The following NALF1 variants were observed in gnomAD, a reference collection of about 807,000 sequenced individuals.
NALF1 encodes the protein NALCN channel auxiliary factor 1, also known as family with sequence similarity 155 member A.
A neutral mutation model predicts 48.4 loss-of-function variants in NALF1; 3 were observed. The observed-to-expected ratio is 0.06, with a 90% CI of 0.03 to 0.16. The LOEUF (loss-of-function observed/expected upper bound fraction) is 0.16, where lower values mean the gene tolerates loss of function less well. Among genes scored for constraint, NALF1 ranks in the 10% least tolerant of loss-of-function variants. The probability of loss-of-function intolerance (pLI) is 1.00; values close to 1 mark genes in which losing one functional copy is unlikely to be tolerated. For synonymous variants in NALF1, 262 were observed against 245.7 expected, an observed-to-expected ratio of 1.07 and a Z score of -0.62; for missense variants, 526 against 571.5, an observed-to-expected ratio of 0.92 and a Z score of 0.81.
At chr13:107,593,112 T>C (rs920020430) in intron 1 of NALF1, among the ~76,000 whole-genome samples, 3 of 151,888 alleles carry the variant, frequency 2.0e-5, no homozygotes, top group Non-Finnish European at 2.9e-5. Flanking sequence ...CTTGACGAAG[T>C]ACATATTGTG....
chr13:107,438,827 CAAAAAAA>C (rs61686895), intron 1 of NALF1, among the ~76,000 whole-genome samples: 8 of 17,938 alleles, frequency 4.5e-4, no homozygotes, highest in Admixed American at 4.2e-3. Context: ...GACTCCATCT[CAAAAAAA>C]AAAAAAAAAA....
chr13:107,446,125 G>A (rs186443397), intron 1 of NALF1, among the ~76,000 whole-genome samples: 1 of 152,224 alleles, frequency 6.6e-6, no homozygotes, highest in East Asian at 1.9e-4. Context: ...TTTTAGTAGA[G>A]ACAAGGTTTC....
chr13:107,790,362 A>G (rs1427510869), intron 1 of NALF1, among the ~76,000 whole-genome samples: 1 of 152,222 alleles, frequency 6.6e-6, no homozygotes, highest in African/African-American at 2.4e-5. Flanking sequence ...AAGAAAGCAT[A>G]AAGGGTGGAT....
Position 107,285,087 on chromosome 13 carries a change from G to T in NALF1, c.916-74332C>A, listed in dbSNP as rs1319325689. ...ATAGATTCAATGATTAGGACCTGTG[G>T]CATATATTATATGTCTATGTGTACT... On this transcript the variant is annotated intron_variant, in intron 1 of 2. Transcript: ENST00000375915. Among the ~76,000 whole-genome samples, 3 of 152,088 alleles carry T rather than the reference G, an allele frequency of 2.0e-5. No homozygotes were observed. In the East Asian group the frequency reaches 5.8e-4, roughly 29 times the overall value.
chr13:107,381,225 A>G (rs1351957057), intron 1 of NALF1, among the ~76,000 whole-genome samples: 1 of 150,364 alleles, frequency 6.7e-6, no homozygotes, highest in East Asian at 2.0e-4. Context: ...TTTTGAGACA[A>G]ATTCTTGCTC....
chr13:107,661,494 T>C (rs1016838755), intron 1 of NALF1, among the ~76,000 whole-genome samples: 1 of 151,920 alleles, frequency 6.6e-6, no homozygotes, highest in South Asian at 2.1e-4. Flanking sequence ...GTCACGTCTT[T>C]TGCGAGCGGC....
chr13:107,682,651 G>T (rs1475730941), intron 1 of NALF1, among the ~76,000 whole-genome samples: 1 of 151,390 alleles, frequency 6.6e-6, no homozygotes, highest in Non-Finnish European at 1.5e-5. Flanking sequence ...ACTCTTTTGA[G>T]TGAAGATGCA....
intron 1 of NALF1, among the ~76,000 whole-genome samples, chr13:107,495,488 T>A (rs1875299846): frequency 6.6e-6 from 1 of 152,204 alleles, no homozygotes; most frequent in East Asian, 1.9e-4. Context: ...CACATATGAA[T>A]GTTCACAAAT....
rs1348587272 is a variant in NALF1, at chr13:107,867,186, T to C, written c.-590A>G. On this transcript the variant is annotated 5_prime_UTR_variant, in exon 1 of 3. Coordinates refer to ENST00000375915, the MANE Select transcript of NALF1 (RefSeq NM_001080396.3). The surrounding 1 kb of genome is among the most constrained non-coding windows in gnomAD (Gnocchi z 4.4). ...TCCTCCTCCTTCCTTTCCTTCTCCT[T>C]CTTCTTCTCCTCCGCCTCCCGCTCC... 1.3e-5 allele frequency among the ~76,000 whole-genome samples: 2 copies of C among 150,788 alleles called. No individual in the cohort carries two copies. The highest frequency in any genetic ancestry group is 1.5e-5 in the Non-Finnish European group (1 of 67,572).
intron 1 of NALF1, among the ~76,000 whole-genome samples, chr13:107,695,587 T>A (rs922897559): frequency 2.6e-5 from 4 of 152,218 alleles, no homozygotes; most frequent in Admixed American, 1.3e-4. Context: ...AATGATTAAT[T>A]AATTTAAACA....
chr13:107,724,446 C>T (rs761893934), intron 1 of NALF1, among the ~76,000 whole-genome samples: 1 of 152,136 alleles, frequency 6.6e-6, no homozygotes, highest in Non-Finnish European at 1.5e-5. Context: ...AGAATATAAT[C>T]GTTCATTTAC....
chr13:107,809,170 C>T (rs1337848050), intron 1 of NALF1, among the ~76,000 whole-genome samples: 1 of 151,776 alleles, frequency 6.6e-6, no homozygotes, highest in East Asian at 1.9e-4. Context: ...TCTTCATTAT[C>T]TAGTTTGCAA....
intron 1 of NALF1, among the ~76,000 whole-genome samples, chr13:107,334,305 T>C (rs533234177): frequency 2.6e-5 from 4 of 152,342 alleles, no homozygotes; most frequent in African/African-American, 9.6e-5. Context: ...AATCTGATCA[T>C]CTGATTTGCT....
chr13:107,689,960 T>G (rs1223451437), intron 1 of NALF1, among the ~76,000 whole-genome samples: 1 of 152,220 alleles, frequency 6.6e-6, no homozygotes, highest in Non-Finnish European at 1.5e-5. Context: ...CCATTTAACT[T>G]TAGCATTTAA....
In NALF1 at chr13:107,488,639, C is replaced by T. The variant is rs186771825; in HGVS notation, c.916-277884G>A. ...GTACATACTTTAAAATAATAAGAGC[C>T]GTATATGACAAACCTACAGACAATA... On this transcript the variant is annotated intron_variant, in intron 1 of 2. Transcript: ENST00000375915. Among the ~76,000 whole-genome samples the T allele has an allele frequency of 1.1e-4, 17 of 152,016 alleles. No homozygotes were observed. The East Asian group carries it at 2.1e-3, about 19-fold the overall frequency.
At chr13:107,263,442 C>G (rs1819243) in intron 1 of NALF1, among the ~76,000 whole-genome samples, 2 of 151,798 alleles carry the variant, frequency 1.3e-5, no homozygotes, top group Admixed American at 6.6e-5. Context: ...ATGGTTGATA[C>G]GGTTTGGCTG....
chr13:107,277,632 A>G (rs1881306953), intron 1 of NALF1, among the ~76,000 whole-genome samples: 1 of 152,196 alleles, frequency 6.6e-6, no homozygotes, highest in Non-Finnish European at 1.5e-5. Flanking sequence ...TCTAAGGCCA[A>G]TGACTAGAAG....
In NALF1 at chr13:107,310,690, T is replaced by C. The variant is rs550405114; in HGVS notation, c.916-99935A>G. 1.7e-3 allele frequency among the ~76,000 whole-genome samples: 253 copies of C among 152,056 alleles called. 1 individual carries two copies. The highest frequency in any genetic ancestry group is 2.9e-3 in the Non-Finnish European group (199 of 67,982). On this transcript the variant is annotated intron_variant, in intron 1 of 2. Coordinates refer to ENST00000375915, the MANE Select transcript of NALF1 (RefSeq NM_001080396.3). The stretch of plus-strand genomic sequence containing the variant: ...CAATTATTTATTATTATTATTATTA[T>C]TATTTTAGATGGAGTCTCACTCTGT...
At chr13:107,750,780 G>A (rs1312743648) in intron 1 of NALF1, among the ~76,000 whole-genome samples, 2 of 152,154 alleles carry the variant, frequency 1.3e-5, no homozygotes, top group Non-Finnish European at 1.5e-5. Context: ...TGAAAGAAAT[G>A]TTTTAGCTAT....
Sources: allele counts gnomAD v4.1 joint callset (sites outside exome capture counted in the v4.1 genomes callset), GRCh38; gene constraint gnomAD v4.1.1; non-coding constraint Gnocchi (gnomAD v3.1); transcripts MANE v1.5; gene names NCBI Gene and HGNC (gene_info 2026-07-23, HGNC 2026-07-21).